MARCHF8: variants seen among roughly 807,000 people sequenced by gnomAD.
The protein encoded by MARCHF8 is membrane associated ring-CH-type finger 8, also known as E3 ubiquitin-protein ligase MARCHF8.
A neutral mutation model predicts 51.6 loss-of-function variants in MARCHF8; 40 were observed. The observed-to-expected ratio is 0.77, with a 90% confidence interval of 0.60 to 1.01. The LOEUF is 1.01. Ranked by LOEUF, MARCHF8 falls within the 50% of genes least tolerant of loss-of-function variation. The pLI is 0.00. For synonymous variants in MARCHF8, 263 were observed against 280.3 expected (o/e 0.94, Z 0.62); for missense variants, 685 against 708.6 (o/e 0.97, Z 0.38).
At chr10:45,546,187 G>T (rs753751535) in intron 1 of MARCHF8, among the ~76,000 whole-genome samples, 2 of 149,502 alleles carry the variant, frequency 1.3e-5, no homozygotes, top group Admixed American at 6.6e-5. Flanking sequence ...TTGAGACAGG[G>T]TCTCGCTCTG....
chr10:45,581,899 G>A (rs1415660720), intron 1 of MARCHF8, among the ~76,000 whole-genome samples: 1 of 145,564 alleles, frequency 6.9e-6, no homozygotes, highest in African/African-American at 2.6e-5. Context: ...ACTTAAAGGA[G>A]TAACATTTTC....
intron 1 of MARCHF8, among the ~76,000 whole-genome samples, chr10:45,547,341 T>C (rs2044139453): frequency 6.6e-6 from 1 of 152,174 alleles, no homozygotes; most frequent in African/African-American, 2.4e-5. Flanking sequence ...GAAACTTTTA[T>C]CTCCCTTTCA....
chr10:45,562,489 T>C (rs543416561), intron 1 of MARCHF8, among the ~76,000 whole-genome samples: 1 of 152,298 alleles, frequency 6.6e-6, no homozygotes, highest in South Asian at 2.1e-4. Context: ...AATATTATCT[T>C]CGAAGTATCA....
intron 2 of MARCHF8, among the ~76,000 whole-genome samples, chr10:45,505,741 A>G (rs1194056432): frequency 6.6e-6 from 1 of 152,140 alleles, no homozygotes; most frequent in Non-Finnish European, 1.5e-5. Flanking sequence ...AAAATCTCTA[A>G]TCTTTGTGAA....
At chr10:45,470,207 G>A (rs939099335) in intron 3 of MARCHF8, among the ~76,000 whole-genome samples, 2 of 152,188 alleles carry the variant, frequency 1.3e-5, no homozygotes, top group African/African-American at 2.4e-5. Context: ...GTCTACATGC[G>A]CATGCTGAGA....
intron 3 of MARCHF8, among the ~76,000 whole-genome samples, chr10:45,479,136 A>T (rs2133033987): frequency 6.6e-6 from 1 of 152,346 alleles, no homozygotes; most frequent in East Asian, 1.9e-4. Flanking sequence ...TGCACATCAA[A>T]AAGACAGTAC....
At chr10:45,532,262 C>G (rs1351969252) in intron 2 of MARCHF8, among the ~76,000 whole-genome samples, 1 of 152,206 alleles carries the variant, frequency 6.6e-6, no homozygotes, top group African/African-American at 2.4e-5. Flanking sequence ...AAATAACCAC[C>G]TACAGTAAAC....
intron 1 of MARCHF8, among the ~76,000 whole-genome samples, chr10:45,569,485 T>C (rs1456186969): frequency 1.3e-5 from 2 of 152,238 alleles, no homozygotes; most frequent in Admixed American, 6.5e-5. Flanking sequence ...TCTAATGTAT[T>C]GCTCAATTTA....
intron 2 of MARCHF8, among the ~76,000 whole-genome samples, chr10:45,500,134 A>G (rs576104627): frequency 1.3e-5 from 2 of 152,290 alleles, no homozygotes; most frequent in South Asian, 4.1e-4. Flanking sequence ...TTTTCTGTGT[A>G]TAAGTCTTTA....
chr10:45,565,881 T>G (rs933001378), intron 1 of MARCHF8, among the ~76,000 whole-genome samples: 2 of 152,210 alleles, frequency 1.3e-5, no homozygotes, highest in Non-Finnish European at 2.9e-5. Flanking sequence ...TGTTTTTGTT[T>G]AAAACACCTC....
At chr10:45,508,333 T>TAA (rs35317640) in intron 2 of MARCHF8, among the ~76,000 whole-genome samples, 11 of 94,924 alleles carry the variant, frequency 1.2e-4, no homozygotes, top group African/African-American at 2.0e-4. Flanking sequence ...TCTTTCACAG[T>TAA]AAAAAAAAAA....
At chr10:45,532,129 A>C (rs2043897300) in intron 2 of MARCHF8, among the ~76,000 whole-genome samples, 1 of 152,206 alleles carries the variant, frequency 6.6e-6, no homozygotes, top group South Asian at 2.1e-4. Flanking sequence ...CTAAGGTAAG[A>C]CAGAATGGTT....
chr10:45,591,364 T>A (rs139616946), intron 1 of MARCHF8, among the ~76,000 whole-genome samples: 16 of 148,622 alleles, frequency 1.1e-4, no homozygotes, highest in South Asian at 2.2e-4. Context: ...ACTTGGGAGG[T>A]TGAGGCAGGA....
chr10:45,551,468 C>T (rs923197585), intron 1 of MARCHF8, among the ~76,000 whole-genome samples: 2 of 151,990 alleles, frequency 1.3e-5, no homozygotes, highest in Non-Finnish European at 2.9e-5. Flanking sequence ...AACTCCTAGG[C>T]TCAAGTGATC....
At chr10:45,485,958 T>A (rs1026910969) in intron 3 of MARCHF8, among the ~76,000 whole-genome samples, 1 of 152,184 alleles carries the variant, frequency 6.6e-6, no homozygotes, top group African/African-American at 2.4e-5. Context: ...GCAGGTTCAT[T>A]TAATAAATAC....
At chr10:45,459,698 G>T in intron 6 of MARCHF8, 1 of 984,210 alleles carries the variant, frequency 1.0e-6, no homozygotes, top group East Asian at 1.1e-4. Context: ...CTAGCAGATG[G>T]GTCACACTAC....
intron 2 of MARCHF8, among the ~76,000 whole-genome samples, chr10:45,505,035 T>G (rs2043354749): frequency 6.6e-6 from 1 of 152,206 alleles, no homozygotes; most frequent in African/African-American, 2.4e-5. Context: ...AATTAAGCAC[T>G]TATGCCTTCT....
chr10:45,530,006 A>G (rs2043851564), intron 2 of MARCHF8, among the ~76,000 whole-genome samples: 1 of 152,242 alleles, frequency 6.6e-6, no homozygotes, highest in East Asian at 1.9e-4. Context: ...TTGCAGGACT[A>G]CTCACAATAG....
At chr10:45,550,372 C>G (rs773081483) in intron 1 of MARCHF8, among the ~76,000 whole-genome samples, 9 of 152,144 alleles carry the variant, frequency 5.9e-5, no homozygotes, top group Non-Finnish European at 7.3e-5. Context: ...CTTTAGTAGG[C>G]TGACAGAGGA....
Sources: gnomAD v4.1 joint callset for allele counts (sites outside exome capture counted in the v4.1 genomes callset) on GRCh38, gnomAD v4.1.1 for gene constraint, MANE v1.5 for transcripts, NCBI Gene and HGNC (gene_info 2026-07-23, HGNC 2026-07-21) for gene names.